The following ACSM2B variants were observed in gnomAD, a reference collection of about 807,000 sequenced individuals.
ACSM2B encodes the protein acyl-CoA synthetase medium chain family member 2B, also known as acyl-coenzyme A synthetase ACSM2B, mitochondrial.
ACSM2B carries 58 observed loss-of-function variants against 78.6 expected under a neutral mutation model. That is an observed-to-expected ratio of 0.74 (90% CI 0.60 to 0.92). The LOEUF (loss-of-function observed/expected upper bound fraction) is 0.92, where lower values mean the gene tolerates loss of function less well. Among genes scored for constraint, ACSM2B ranks in the 40% least tolerant of loss-of-function variants. ACSM2B has a pLI of 0.00. For synonymous variants in ACSM2B, 257 were observed against 256.8 expected (o/e 1.00, Z -0.01); for missense variants, 688 against 711.2 (o/e 0.97, Z 0.37).
At chr16:20,567,391 C>A (rs1166734637) in intron 1 of ACSM2B, among the ~76,000 whole-genome samples, 3 of 113,222 alleles carry the variant, frequency 2.6e-5, no homozygotes, top group Admixed American at 1.2e-4. Flanking sequence ...TATAATATTA[C>A]ATATACAATA....
At chr16:20,556,919 A>C (rs780566372) in intron 3 of ACSM2B, among the ~76,000 whole-genome samples, 1 of 151,782 alleles carries the variant, frequency 6.6e-6, no homozygotes, top group African/African-American at 2.4e-5. Context: ...AGTTCCTGCA[A>C]TTGGTTTGGT....
At chr16:20,555,229 G>A in intron 4 of ACSM2B, 40 bp downstream of exon 4, 3 of 1,612,944 alleles carry the variant, frequency 1.9e-6, no homozygotes, top group Non-Finnish European at 2.5e-6. Context: ...TCTGTTTCCA[G>A]TTTTAGTTAA....
chr16:20,566,741 C>CTATATATACTATATATAGTATATAA (rs2015895824), intron 1 of ACSM2B, among the ~76,000 whole-genome samples: 2 of 44,804 alleles, frequency 4.5e-5, no homozygotes, highest in South Asian at 8.2e-4. Context: ...ATAGTATATA[C>CTATATATACTATATATAGTATATAA]TATATATACT....
At chr16:20,570,352 G>A (rs1028408764) in intron 1 of ACSM2B, among the ~76,000 whole-genome samples, 1 of 151,676 alleles carries the variant, frequency 6.6e-6, no homozygotes, top group Non-Finnish European at 1.5e-5. Flanking sequence ...TGTTTATGTG[G>A]TGTATCACAT....
intron 7 of ACSM2B, 100 bp from the exon 8 acceptor site, chr16:20,548,285 T>G: frequency 1.2e-6 from 2 of 1,607,842 alleles, no homozygotes; most frequent in Admixed American, 1.7e-5. Flanking sequence ...GCAAATGGCT[T>G]CATGGGGCTC....
In ACSM2B at chr16:20,566,741, CTATA is replaced by C. The variant is rs1567218647; in HGVS notation, c.-8-1892_-8-1889del. On this transcript the variant is annotated intron_variant, in intron 1 of 13. Coordinates refer to ENST00000329697, the MANE Select transcript of ACSM2B (RefSeq NM_001105069.2). ...TAGTATATACTATATATAGTATATACTATATATACTATATATAGTATATATAGAT... is the reference window on the plus strand; with the variant it reads ...TAGTATATACTATATATAGTATATACTATACTATATATAGTATATATAGAT... Among the ~76,000 whole-genome samples, 6 of 44,810 alleles carry C rather than the reference CTATA, an allele frequency of 1.3e-4. 1 individual carries two copies. The highest frequency in any genetic ancestry group is 2.1e-4 in the Non-Finnish European group (6 of 28,678). The allele number at this position is 44,810 out of a possible 152,430, so 29.4% of individuals were successfully genotyped here.
At chr16:20,538,356 C>T (rs2014899577) in intron 13 of ACSM2B, among the ~76,000 whole-genome samples, 1 of 152,182 alleles carries the variant, frequency 6.6e-6, no homozygotes, top group Admixed American at 6.5e-5. Context: ...TTGAAACAGT[C>T]ATACCCATGC....
At position 20,545,127 on chromosome 16, in the gene ACSM2B, G is replaced by A. The variant is rs781131354; in HGVS notation, c.1281+30C>T. The A allele has an allele frequency of 5.0e-6, 8 of 1,598,106 alleles. No individual in the cohort carries two copies. In the East Asian group the frequency reaches 1.8e-4, roughly 36 times the overall value. On this transcript the variant is annotated intron_variant, in intron 10 of 13. Coordinates refer to ENST00000329697, the MANE Select transcript of ACSM2B (RefSeq NM_001105069.2). ...GTTTAGTGCTCCCATCCTCACTGGG[G>A]AACAGAGGAGGAGAAGCACAGTTTC...
rs970222525 is a variant in ACSM2B at position 20,547,860 on chromosome 16, T to G, written c.1098+202A>C. 5.5e-6 allele frequency: 7 copies of G among 1,282,392 alleles called. No homozygotes were observed. The African/African-American group carries it at 6.0e-5, about 11-fold the overall frequency. 79.4% of individuals were successfully genotyped at this position (1,282,392 alleles called of 1,614,324 possible). The stretch of plus-strand genomic sequence containing the variant: ...TCTCTCTCCCCAAATCTCACTGGAA[T>G]GTAATCTCCCAGAAAACAGGAACTT... On this transcript the variant is annotated intron_variant, in intron 8 of 13. Coordinates refer to ENST00000329697, the MANE Select transcript of ACSM2B (RefSeq NM_001105069.2).
chr16:20,541,945 A>G (rs1259055658), intron 12 of ACSM2B: 5 of 152,070 alleles, frequency 3.3e-5, no homozygotes, highest in African/African-American at 1.2e-4. Context: ...CCTCCCAACC[A>G]AGCACTTTAC....
chr16:20,563,190 T>C (rs907575445), intron 2 of ACSM2B, among the ~76,000 whole-genome samples: 3 of 152,222 alleles, frequency 2.0e-5, no homozygotes, highest in South Asian at 4.1e-4. Context: ...ACTAACAAGA[T>C]AGGTGCAAAA....
intron 1 of ACSM2B, among the ~76,000 whole-genome samples, chr16:20,565,851 G>T (rs2015810099): frequency 1.3e-5 from 2 of 151,320 alleles, no homozygotes; most frequent in Admixed American, 6.6e-5. Context: ...AAAGTTCATT[G>T]TGTCATACTC....
At position 20,555,419 on chromosome 16, in the gene ACSM2B, A is replaced by G; in HGVS notation, c.446T>C (p.Leu149Ser). The G allele has an allele frequency of 2.5e-6, 4 of 1,613,936 alleles. No homozygotes were observed. The highest frequency in any genetic ancestry group is 3.4e-6 in the Non-Finnish European group (4 of 1,179,824). The change falls in exon 4 of 14, where the codon TTG becomes TCG. Residue 149 changes from leucine (L) to serine (S), a missense_variant. By Grantham distance (145) the Leu-to-Ser change is moderately radical. Coordinates refer to ENST00000329697, the MANE Select transcript of ACSM2B (RefSeq NM_001105069.2). ...AATAGCCTTGGCCTTAGACATCTGC[A>G]ACCTATACAGTATGTCAGTGGATTT... ...QMKSTDILYR[L>S]QMSKAKAIVA...
intron 1 of ACSM2B, among the ~76,000 whole-genome samples, chr16:20,565,772 A>T (rs930106964): frequency 6.6e-6 from 1 of 152,066 alleles, no homozygotes; most frequent in African/African-American, 2.4e-5. Context: ...TACACTTAAC[A>T]GTACACACTT....
At chr16:20,537,775 G>T (rs1182048183) in intron 13 of ACSM2B, among the ~76,000 whole-genome samples, 3 of 152,148 alleles carry the variant, frequency 2.0e-5, no homozygotes, top group Non-Finnish European at 2.9e-5. Flanking sequence ...ATGGACCAAA[G>T]GAGATTATGC....
rs1478118408 is a variant in ACSM2B, at chr16:20,561,905, T to C, written c.178-2458A>G. 3.2e-5 allele frequency among the ~76,000 whole-genome samples: 4 copies of C among 124,666 alleles called. No homozygotes were observed. In the East Asian group the frequency reaches 1.1e-3, roughly 34 times the overall value. The allele number at this position is 124,666 out of a possible 152,430, so 81.8% of individuals were successfully genotyped here. Reference sequence around the variant, plus strand: ...ACAGGCCCAGTGTGTGATGTTCCCCTTCCTGTGTCCATGTGTTCTCATTGT... The same window carrying C: ...ACAGGCCCAGTGTGTGATGTTCCCCCTCCTGTGTCCATGTGTTCTCATTGT... On this transcript the variant is annotated intron_variant, in intron 2 of 13. Transcript: ENST00000329697.
chr16:20,553,470 C>G (rs1176428716), intron 5 of ACSM2B, among the ~76,000 whole-genome samples: 1 of 152,204 alleles, frequency 6.6e-6, no homozygotes. Context: ...TTGCCAGCAT[C>G]CCAAAGAACA....
intron 1 of ACSM2B, among the ~76,000 whole-genome samples, chr16:20,566,410 A>G (rs2015844046): frequency 7.6e-6 from 1 of 132,094 alleles, no homozygotes; most frequent in Non-Finnish European, 1.6e-5. Context: ...TATATTATAT[A>G]TCATATATGG....
intron 10 of ACSM2B, chr16:20,544,803 A>G: frequency 1.0e-6 from 1 of 999,322 alleles, no homozygotes; most frequent in Non-Finnish European, 1.2e-6. Flanking sequence ...GATCAACGGC[A>G]TAGATCATGG....
Sources: gnomAD v4.1 joint callset for allele counts (sites outside exome capture counted in the v4.1 genomes callset) on GRCh38, gnomAD v4.1.1 for gene constraint, MANE v1.5 for transcripts, NCBI Gene and HGNC (gene_info 2026-07-23, HGNC 2026-07-21) for gene names.